CECR2: variants seen among roughly 807,000 people sequenced by gnomAD.
The protein encoded by CECR2 is CECR2 histone acetyl-lysine reader.
Under a neutral mutation model 154.5 loss-of-function variants are expected in CECR2, and 30 were observed. The observed-to-expected ratio is 0.19, with a 90% CI of 0.15 to 0.26. CECR2 has a LOEUF of 0.26. Among genes scored for constraint, CECR2 ranks in the 10% least tolerant of loss-of-function variants. The pLI, the probability that CECR2 is intolerant of heterozygous loss-of-function variation, is 1.00. For missense variants in CECR2, 1,743 were observed against 1,829.3 expected, an observed-to-expected ratio of 0.95 and a Z score of 0.86; for synonymous variants, 725 against 683.7, an observed-to-expected ratio of 1.06 and a Z score of -0.94.
intron 1 of CECR2, chr22:17,419,526 GAA>G: frequency 6.3e-6 from 1 of 157,540 alleles, no homozygotes; most frequent in East Asian, 1.5e-4. Context: ...AGAAGAAGAA[GAA>G]GAGGAAGAGG....
At chr22:17,499,675 G>A (rs2055700073) in intron 4 of CECR2, 126 bp downstream of exon 4, 1 of 945,372 alleles carries the variant, frequency 1.1e-6, no homozygotes, top group African/African-American at 1.7e-5. Flanking sequence ...TGCCTGCAAA[G>A]AGATGGTAAG....
chr22:17,491,724 G>A (rs1177189253), intron 2 of CECR2, among the ~76,000 whole-genome samples: 1 of 151,784 alleles, frequency 6.6e-6, no homozygotes, highest in Admixed American at 6.6e-5. Context: ...ACAGTATTTA[G>A]GTTCCATTAA....
chr22:17,477,689 A>G lies in CECR2; in HGVS notation c.221+7A>G. On this transcript the variant is annotated splice_region_variant and intron_variant, in intron 2 of 18. Coordinates refer to ENST00000262608, the MANE Select transcript of CECR2 (RefSeq NM_001290047.2). ...ATCAACGAAGAGATATCACGTGAGTAATTCTGATCTTTCTAAGCATTTCTT... is the reference window on the plus strand; with the variant it reads ...ATCAACGAAGAGATATCACGTGAGTGATTCTGATCTTTCTAAGCATTTCTT... 6.3e-7 allele frequency: 1 copy of G among 1,582,394 alleles called. No homozygotes were observed. The highest frequency in any genetic ancestry group is 2.2e-5 in the East Asian group (1 of 44,708).
chr22:17,384,452 A>G (rs1202252844), intron 1 of CECR2, among the ~76,000 whole-genome samples: 2 of 152,232 alleles, frequency 1.3e-5, no homozygotes, highest in Non-Finnish European at 2.9e-5. Context: ...GGCTTGCAGA[A>G]TGGATGTTGT....
chr22:17,435,696 A>AC (rs1555909230), intron 1 of CECR2, among the ~76,000 whole-genome samples: 1 of 142,478 alleles, frequency 7.0e-6, no homozygotes, highest in East Asian at 2.0e-4. Context: ...AAAAAAAAAA[A>AC]AAAAAAAAAA....
intron 1 of CECR2, among the ~76,000 whole-genome samples, chr22:17,440,081 CAA>C (rs917508912): frequency 1.4e-5 from 2 of 140,500 alleles, no homozygotes; most frequent in Admixed American, 7.1e-5. Flanking sequence ...AAAAAAAAAA[CAA>C]AAAAAGTATA....
At chr22:17,369,019 G>A (rs1245054462), upstream of CECR2, among the ~76,000 whole-genome samples, 1 of 152,138 alleles carries the variant, frequency 6.6e-6, no homozygotes, top group Non-Finnish European at 1.5e-5. Flanking sequence ...TTTCTAGGGT[G>A]GACAGCCCGC....
intron 1 of CECR2, among the ~76,000 whole-genome samples, chr22:17,456,347 A>G (rs1248495481): frequency 6.6e-6 from 1 of 152,092 alleles, no homozygotes; most frequent in Non-Finnish European, 1.5e-5. Flanking sequence ...TTAGTTTGCA[A>G]ATTCCTCACA....
At chr22:17,468,377 G>T (rs2055068571) in intron 1 of CECR2, among the ~76,000 whole-genome samples, 1 of 152,060 alleles carries the variant, frequency 6.6e-6, no homozygotes, top group Admixed American at 6.6e-5. Flanking sequence ...ACCTTTGTAG[G>T]TTTAAGATGT....
chr22:17,420,768 T>C (rs2054233891), intron 1 of CECR2, among the ~76,000 whole-genome samples: 1 of 152,252 alleles, frequency 6.6e-6, no homozygotes, highest in Admixed American at 6.5e-5. Flanking sequence ...ATCTTATTTA[T>C]ACTTTTATCA....
chr22:17,452,562 G>A (rs2054788786), intron 1 of CECR2, among the ~76,000 whole-genome samples: 1 of 152,196 alleles, frequency 6.6e-6, no homozygotes, highest in Non-Finnish European at 1.5e-5. Flanking sequence ...GAAGAGTTAA[G>A]GTGATACCAA....
chr22:17,547,874 C>T (rs1251805107), intron 16 of CECR2, among the ~76,000 whole-genome samples: 1 of 152,144 alleles, frequency 6.6e-6, no homozygotes, highest in Non-Finnish European at 1.5e-5. Context: ...TCTTACGAAT[C>T]GGGCAACCCA....
intron 2 of CECR2, among the ~76,000 whole-genome samples, chr22:17,490,438 A>T (rs1406489612): frequency 6.6e-6 from 1 of 151,026 alleles, no homozygotes; most frequent in Non-Finnish European, 1.5e-5. Context: ...TTGTATTTTT[A>T]TTTATTTATT....
intron 9 of CECR2, among the ~76,000 whole-genome samples, chr22:17,526,999 A>C (rs537312789): frequency 4.6e-5 from 7 of 152,302 alleles, no homozygotes. Flanking sequence ...CAAAGTGAAG[A>C]GACAACCCAC....
At chr22:17,541,813 T>C (rs1454148117) in intron 14 of CECR2, 26 bp from the exon 15 acceptor site, 2 of 1,589,240 alleles carry the variant, frequency 1.3e-6, no homozygotes, top group African/African-American at 1.3e-5. Flanking sequence ...CTTTTTCCTC[T>C]TCTTGCTTTG....
Position 17,500,715 on chromosome 22 carries a change from G to T in CECR2, c.630G>T (p.Leu210=), listed in dbSNP as rs1198891018. ...GAAGACCCCCAAAACGGAAGAAACT[G>T]CAGGAGGAGATTCTGTTGAGGTAAG... is the stretch of plus-strand genomic sequence containing the variant. ...RRGRPPKRKK[L]QEEILLSEKQ... is the part of the protein sequence containing the mutation. Residue 210 remains leucine, a synonymous_variant, in exon 5 of 19, where the codon CTG becomes CTT. Coordinates refer to ENST00000262608, the MANE Select transcript of CECR2 (RefSeq NM_001290047.2). The T allele has an allele frequency of 3.2e-6, 5 of 1,553,896 alleles. No individual in the cohort carries two copies. The Admixed American group carries it at 5.8e-5, about 18-fold the overall frequency.
intron 1 of CECR2, among the ~76,000 whole-genome samples, chr22:17,458,504 C>T (rs75459215): frequency 0.012 from 1,768 of 150,162 alleles, 29 homozygotes; most frequent in African/African-American, 0.039. Flanking sequence ...AAAATGGTGC[C>T]ATTGTGAGTT....
intron 2 of CECR2, among the ~76,000 whole-genome samples, chr22:17,493,117 A>G (rs899262403): frequency 1.3e-5 from 2 of 151,978 alleles, no homozygotes; most frequent in African/African-American, 4.8e-5. Flanking sequence ...GATTACAGGC[A>G]CGTACCACCA....
chr22:17,447,247 G>GGTTCTCGCCATTCTCCTGC (rs2054686718), intron 1 of CECR2, among the ~76,000 whole-genome samples: 1 of 151,716 alleles, frequency 6.6e-6, no homozygotes, highest in Admixed American at 6.6e-5. Flanking sequence ...CCGCCTCCTG[G>GGTTCTCGCCATTCTCCTGC]GTTCTCGCCA....
Sources: gnomAD v4.1 joint callset for allele counts (sites outside exome capture counted in the v4.1 genomes callset) on GRCh38, gnomAD v4.1.1 for gene constraint, MANE v1.5 for transcripts, NCBI Gene and HGNC (gene_info 2026-07-23, HGNC 2026-07-21) for gene names.